Variants in XKR4 observed in about 807,000 individuals in gnomAD.
XKR4 encodes the protein XK related 4.
Under a neutral mutation model 53.9 loss-of-function variants are expected in XKR4, and 12 were observed. That is an observed-to-expected ratio of 0.22 (90% CI 0.14 to 0.36). The LOEUF is 0.36. Ranked by LOEUF, XKR4 falls within the 10% of genes least tolerant of loss-of-function variation. The pLI, the probability that XKR4 is intolerant of heterozygous loss-of-function variation, is 1.00. For missense variants in XKR4, 799 were observed against 859.5 expected, an observed-to-expected ratio of 0.93 and a Z score of 0.88; for synonymous variants, 354 against 362.4, an observed-to-expected ratio of 0.98 and a Z score of 0.26.
In XKR4 at chr8:55,289,565, G is replaced by A. The variant is rs1396699668; in HGVS notation, c.807-68113G>A. Among the ~76,000 whole-genome samples the A allele has an allele frequency of 6.7e-3, 595 of 88,318 alleles. 4 individuals are homozygous for A. Among genetic ancestry groups the A allele is most frequent in the East Asian group, 0.012 (27 of 2,270 alleles). The allele number at this position is 88,318 out of a possible 152,430, so 57.9% of individuals were successfully genotyped here. ...AGAAGGAAGGAAGGAAGGAAGGAAG[G>A]AAGGAGAGAGAAAGGAAGAAAGAAA... On this transcript the variant is annotated intron_variant, in intron 1 of 2. Coordinates refer to ENST00000327381, the MANE Select transcript of XKR4 (RefSeq NM_052898.2).
At chr8:55,144,451 C>A (rs1336708362) in intron 1 of XKR4, among the ~76,000 whole-genome samples, 1 of 152,062 alleles carries the variant, frequency 6.6e-6, no homozygotes, top group African/African-American at 2.4e-5. Flanking sequence ...CCAGGGAAAA[C>A]CCATTTAAAG....
chr8:55,450,714 A>G (rs1805425220), intron 2 of XKR4: 2 of 583,452 alleles, frequency 3.4e-6, no homozygotes, highest in Non-Finnish European at 6.6e-6. Flanking sequence ...TGAAGCGATG[A>G]CTGAAGGACA....
intron 1 of XKR4, among the ~76,000 whole-genome samples, chr8:55,127,116 C>T (rs79545494): frequency 0.016 from 2,440 of 152,222 alleles, 27 homozygotes; most frequent in African/African-American, 0.032. Flanking sequence ...AACTGGTTAA[C>T]AAACTCAAGA....
chr8:55,506,440 C>A (rs1306985983), intron 2 of XKR4, among the ~76,000 whole-genome samples: 1 of 152,226 alleles, frequency 6.6e-6, no homozygotes, highest in Non-Finnish European at 1.5e-5. Context: ...CAGTCACTAC[C>A]CCCAGCAGCA....
intron 1 of XKR4, among the ~76,000 whole-genome samples, chr8:55,301,827 A>C (rs1819204143): frequency 6.6e-6 from 1 of 152,164 alleles, no homozygotes; most frequent in Admixed American, 6.5e-5. Context: ...TCCTTTGCCC[A>C]CTTTTTGATG....
intron 2 of XKR4, among the ~76,000 whole-genome samples, chr8:55,461,946 C>G (rs1805664451): frequency 6.6e-6 from 1 of 152,198 alleles, no homozygotes; most frequent in African/African-American, 2.4e-5. Context: ...AAGAAACAAA[C>G]AAAGCCTCCA....
chr8:55,497,167 AG>A (rs1312415057), intron 2 of XKR4, among the ~76,000 whole-genome samples: 62 of 152,366 alleles, frequency 4.1e-4, no homozygotes, highest in Non-Finnish European at 8.2e-4. Flanking sequence ...CGTATTTCCC[AG>A]ATGTCTATTT....
chr8:55,369,071 G>T (rs889348787), intron 2 of XKR4, among the ~76,000 whole-genome samples: 1 of 152,014 alleles, frequency 6.6e-6, no homozygotes, highest in African/African-American at 2.4e-5. Context: ...ACTCAGAAAT[G>T]AAAATCTTGG....
rs1352232129 is a variant in XKR4 at position 55,192,490 on chromosome 8, C to CTAA, written c.806+89198_806+89200dup. Reference sequence around the variant, plus strand: ...TTGCAGTTAGGCAGAAAAATAAAGCCTAATGGCTTGAAAAGAAAGTCCAAC... The same window carrying CTAA: ...TTGCAGTTAGGCAGAAAAATAAAGCCTAATAATGGCTTGAAAAGAAAGTCCAAC... On this transcript the variant is annotated intron_variant, in intron 1 of 2. Coordinates refer to ENST00000327381, the MANE Select transcript of XKR4 (RefSeq NM_052898.2). Among the ~76,000 whole-genome samples the CTAA allele has an allele frequency of 2.6e-5, 4 of 152,026 alleles. No homozygotes were observed. In the South Asian group the frequency reaches 6.2e-4, roughly 24 times the overall value.
intron 2 of XKR4, chr8:55,454,143 C>T: frequency 1.1e-6 from 1 of 907,020 alleles, no homozygotes; most frequent in Admixed American, 1.7e-5. Context: ...AACTCCAGCT[C>T]CGGGTCCAGG....
intron 1 of XKR4, among the ~76,000 whole-genome samples, chr8:55,165,804 CAAAAAAAAA>C (rs536690179): frequency 1.7e-5 from 1 of 60,478 alleles, no homozygotes; most frequent in African/African-American, 5.9e-5. Context: ...GACTCCGTCT[CAAAAAAAAA>C]AAAAAGAAAA....
chr8:55,121,724 AT>A (rs1816393359), intron 1 of XKR4, among the ~76,000 whole-genome samples: 1 of 152,106 alleles, frequency 6.6e-6, no homozygotes, highest in Non-Finnish European at 1.5e-5. Flanking sequence ...GGAATTAGTG[AT>A]TTTTGTGGGT....
At chr8:55,264,852 C>T (rs1038328835) in intron 1 of XKR4, among the ~76,000 whole-genome samples, 3 of 152,180 alleles carry the variant, frequency 2.0e-5, no homozygotes, top group Non-Finnish European at 4.4e-5. Context: ...AACACACATG[C>T]TTTGTATTTG....
chr8:55,255,032 A>T (rs1256533454), intron 1 of XKR4, among the ~76,000 whole-genome samples: 1 of 152,154 alleles, frequency 6.6e-6, no homozygotes, highest in African/African-American at 2.4e-5. Flanking sequence ...ATTTAAGCTA[A>T]AGCCAAGCAA....
chr8:55,214,182 C>T (rs1817771206), intron 1 of XKR4, among the ~76,000 whole-genome samples: 2 of 152,058 alleles, frequency 1.3e-5, no homozygotes, highest in Non-Finnish European at 2.9e-5. Flanking sequence ...TTATTATTTA[C>T]TTTGTCAGTT....
At chr8:55,141,136 C>T (rs981535974) in intron 1 of XKR4, among the ~76,000 whole-genome samples, 2 of 152,210 alleles carry the variant, frequency 1.3e-5, no homozygotes, top group Non-Finnish European at 2.9e-5. Flanking sequence ...CTCCCACCCA[C>T]GCCTTCCCAG....
At chr8:55,144,545 A>G (rs993523176) in intron 1 of XKR4, among the ~76,000 whole-genome samples, 3 of 152,280 alleles carry the variant, frequency 2.0e-5, no homozygotes, top group African/African-American at 7.2e-5. Flanking sequence ...CCAATTTTTC[A>G]AAAGAAATTG....
intron 2 of XKR4, among the ~76,000 whole-genome samples, chr8:55,514,146 T>G (rs1029746948): frequency 2.6e-5 from 4 of 152,172 alleles, no homozygotes; most frequent in Admixed American, 2.6e-4. Flanking sequence ...TTTTTTCATC[T>G]GTAAAATGGA....
chr8:55,299,082 C>A (rs571352137), intron 1 of XKR4, among the ~76,000 whole-genome samples: 1 of 152,284 alleles, frequency 6.6e-6, no homozygotes, highest in East Asian at 1.9e-4. Context: ...CCATGTGTTG[C>A]ATTTCATCTT....
Sources: gnomAD v4.1 joint callset for allele counts (sites outside exome capture counted in the v4.1 genomes callset) on GRCh38, gnomAD v4.1.1 for gene constraint, MANE v1.5 for transcripts, NCBI Gene and HGNC (gene_info 2026-07-23, HGNC 2026-07-21) for gene names.